Variants in PKD2 observed in about 807,000 individuals in gnomAD.
The protein encoded by PKD2 is polycystin 2, transient receptor potential cation channel.
In PKD2, 48 loss-of-function variants were observed where a neutral mutation model predicts 105.9. That is an observed-to-expected ratio of 0.45 (90% CI 0.36 to 0.58). The LOEUF (loss-of-function observed/expected upper bound fraction) is 0.58. PKD2 is among the 20% of genes least tolerant of loss of function. The pLI is 0.00. For missense variants in PKD2, 1,078 were observed against 1,255.3 expected, an observed-to-expected ratio of 0.86 and a Z score of 2.13; for synonymous variants, 464 against 481.1, an observed-to-expected ratio of 0.96 and a Z score of 0.46.
intron 10 of PKD2, among the ~76,000 whole-genome samples, chr4:88,063,928 G>T (rs1720682678): frequency 6.6e-6 from 1 of 152,184 alleles, no homozygotes; most frequent in Non-Finnish European, 1.5e-5. Flanking sequence ...GCCAAGGTGG[G>T]TGGATCACTT....
chr4:88,031,242 C>T (rs1169914132), intron 2 of PKD2, among the ~76,000 whole-genome samples: 1 of 152,182 alleles, frequency 6.6e-6, no homozygotes, highest in Non-Finnish European at 1.5e-5. Context: ...CCAGGCTAAG[C>T]TGTGTTGCTC....
chr4:88,074,985 C>T (rs371911508), intron 14 of PKD2, 26 bp downstream of exon 14: 46 of 1,611,464 alleles, frequency 2.9e-5, no homozygotes, highest in Non-Finnish European at 3.6e-5. Context: ...CTGAAAACAC[C>T]GCTGCTGAGC....
chr4:88,070,633 G>GAA lies in PKD2; in HGVS notation c.2522+2573_2522+2574insAA, dbSNP rs1720997631. 4.1e-5 allele frequency among the ~76,000 whole-genome samples: 6 copies of GAA among 147,090 alleles called. No homozygotes were observed. In the South Asian group the frequency reaches 6.4e-4, roughly 16 times the overall value. ...AGAGAGAGAGAGAGAGAGAGAAAGA[G>GAA]AGAGAGAGAGAGACAGGGAGACAGG... On this transcript the variant is annotated intron_variant, in intron 13 of 14. Coordinates refer to ENST00000237596, the MANE Select transcript of PKD2 (RefSeq NM_000297.4).
chr4:88,008,385 C>T lies in PKD2; in HGVS notation c.595+57C>T, dbSNP rs1265586261. ...ACGAACCAGAACGGCCGGCGCCGGC[C>T]GGGGCCATCGCCCGCTGCGGCAGCT... On this transcript the variant is annotated intron_variant, in intron 1 of 14. Coordinates refer to ENST00000237596, the MANE Select transcript of PKD2 (RefSeq NM_000297.4). The T allele has an allele frequency of 8.2e-6, 12 of 1,471,280 alleles. No individual in the cohort carries two copies. The Admixed American group carries it at 1.1e-4, about 14-fold the overall frequency. The allele number at this position is 1,471,280 out of a possible 1,614,324, so 91.1% of individuals were successfully genotyped here. A position where few individuals can be genotyped will look rare whatever the true frequency, so the allele number is the denominator to read the frequency against.
At chr4:88,061,076 G>C (rs1720553470) in intron 9 of PKD2, among the ~76,000 whole-genome samples, 1 of 152,148 alleles carries the variant, frequency 6.6e-6, no homozygotes, top group South Asian at 2.1e-4. Flanking sequence ...TAGGCCTGCT[G>C]TATTCCTATT....
chr4:88,046,318 A>G (rs1244315738), intron 5 of PKD2, among the ~76,000 whole-genome samples: 3 of 152,084 alleles, frequency 2.0e-5, no homozygotes, highest in Non-Finnish European at 4.4e-5. Flanking sequence ...AAGTCCTAGA[A>G]AAGTTTGTGT....
intron 10 of PKD2, among the ~76,000 whole-genome samples, chr4:88,063,475 G>C (rs753609752): frequency 1.3e-5 from 2 of 151,316 alleles, no homozygotes; most frequent in Non-Finnish European, 2.9e-5. Context: ...AGGTTGCAGT[G>C]AGCCGAGATC....
At chr4:88,018,140 A>G (rs1284622777) in intron 1 of PKD2, among the ~76,000 whole-genome samples, 1 of 152,226 alleles carries the variant, frequency 6.6e-6, no homozygotes, top group Non-Finnish European at 1.5e-5. Context: ...ATCTTGGCAG[A>G]AGCAAAGTTG....
At chr4:88,068,840 G>T (rs1720892714) in intron 13 of PKD2, among the ~76,000 whole-genome samples, 1 of 152,154 alleles carries the variant, frequency 6.6e-6, no homozygotes, top group Admixed American at 6.5e-5. Context: ...TGAAAGTGGG[G>T]TATTAAAGTC....
At chr4:88,038,888 A>G (rs896972581) in intron 4 of PKD2, among the ~76,000 whole-genome samples, 1 of 152,170 alleles carries the variant, frequency 6.6e-6, no homozygotes, top group Non-Finnish European at 1.5e-5. Context: ...GGTCTTGCAA[A>G]CAGGTTTTTG....
chr4:88,061,787 A>G, intron 9 of PKD2, 119 bp from the exon 10 acceptor site: 1 of 545,726 alleles, frequency 1.8e-6, no homozygotes, highest in South Asian at 2.5e-5. Flanking sequence ...TTATGTCTTC[A>G]TAAAGCACTC....
At chr4:88,011,819 G>A (rs1726389639) in intron 1 of PKD2, among the ~76,000 whole-genome samples, 1 of 137,688 alleles carries the variant, frequency 7.3e-6, no homozygotes, top group East Asian at 2.1e-4. Context: ...GATGAATTTA[G>A]CCTGTCTTGA....
intron 2 of PKD2, among the ~76,000 whole-genome samples, chr4:88,029,331 T>C (rs1727064522): frequency 6.6e-6 from 1 of 152,232 alleles, no homozygotes; most frequent in African/African-American, 2.4e-5. Flanking sequence ...CAAATAATGC[T>C]TCAACTAGTA....
At chr4:88,067,838 G>C in intron 12 of PKD2, 60 bp from the exon 13 acceptor site, 2 of 1,495,226 alleles carry the variant, frequency 1.3e-6, no homozygotes, top group South Asian at 2.3e-5. Flanking sequence ...CAAGTCCTTG[G>C]TGAGGCTTCT....
chr4:88,032,149 G>A (rs942900364), intron 2 of PKD2, among the ~76,000 whole-genome samples: 2 of 151,526 alleles, frequency 1.3e-5, no homozygotes, highest in Non-Finnish European at 2.9e-5. Context: ...ATATTTTCCT[G>A]TTATTTTCCA....
At chr4:88,053,220 A>G (rs1046719962) in intron 7 of PKD2, among the ~76,000 whole-genome samples, 2 of 152,300 alleles carry the variant, frequency 1.3e-5, no homozygotes, top group East Asian at 3.9e-4. Context: ...TAAGTGTTCA[A>G]TGGCTACTGT....
At position 88,007,773 on chromosome 4, in the gene PKD2, G is replaced by A; in HGVS notation, c.40G>A (p.Asp14Asn). Residue 14 changes from aspartate to asparagine, a missense_variant, in exon 1 of 15, where the codon GAC becomes AAC. By Grantham distance (23) the Asp-to-Asn change is conservative. Around this residue, in one of 2 missense-constraint regions of PKD2, gnomAD observed 210 missense variants for 187.9 expected, o/e 1.12. Coordinates refer to ENST00000237596, the MANE Select transcript of PKD2 (RefSeq NM_000297.4). ...TCGCGTGCAGCCTCAGCAGCCCGGG[G>A]ACGCCAAGCGGCCGCCCGCGCCCCG... is the stretch of plus-strand genomic sequence containing the variant. ...SSRVQPQQPGDAKRPPAPRAP... is the reference protein window; with the variant it reads ...SSRVQPQQPGNAKRPPAPRAP... The A allele has an allele frequency of 3.4e-6, 4 of 1,177,936 alleles. No individual in the cohort carries two copies. Among genetic ancestry groups the A allele is most frequent in the Non-Finnish European group, 4.2e-6 (4 of 945,214 alleles). 73.0% of individuals were successfully genotyped at this position (1,177,936 alleles called of 1,614,324 possible).
intron 7 of PKD2, among the ~76,000 whole-genome samples, chr4:88,053,114 AGTACTAGCCACATG>A (rs1720172421): frequency 1.3e-5 from 2 of 152,168 alleles, no homozygotes; most frequent in Admixed American, 1.3e-4. Context: ...CCAGACAGTA[AGTACTAGCCACATG>A]TGCCTATTTA....
Position 88,019,559 on chromosome 4 carries a change from G to C in PKD2, c.697G>C (p.Val233Leu). 2 of 1,529,202 alleles carry C rather than the reference G, an allele frequency of 1.3e-6. No individual in the cohort carries two copies. Among genetic ancestry groups the C allele is most frequent in the East Asian group, 4.5e-5 (2 of 44,464 alleles). 94.7% of individuals were successfully genotyped at this position (1,529,202 alleles called of 1,614,324 possible). A position where few individuals can be genotyped will look rare whatever the true frequency, so the allele number is the denominator to read the frequency against. ...GGTCACATACCTCCTTTTTCTCATAGTCTTGTGCATCTGTAAGTAGAATAT... is the reference window on the plus strand; with the variant it reads ...GGTCACATACCTCCTTTTTCTCATACTCTTGTGCATCTGTAAGTAGAATAT... Reference protein sequence around the residue: ...ELVTYLLFLIVLCILTYGMMS... With the variant: ...ELVTYLLFLILLCILTYGMMS... Residue 233 changes from valine (V) to leucine (L), a missense_variant, in exon 2 of 15, where the codon GTC becomes CTC. By Grantham distance (32) the Val-to-Leu change is conservative. Transcript: ENST00000237596.
Sources: gnomAD v4.1 joint callset for allele counts (sites outside exome capture counted in the v4.1 genomes callset) on GRCh38, gnomAD v4.1.1 for gene constraint, gnomAD v4.1.1 regional missense constraint, MANE v1.5 for transcripts, NCBI Gene and HGNC (gene_info 2026-07-23, HGNC 2026-07-21) for gene names.